The following ZNF667 variants were observed in gnomAD, a reference collection of about 807,000 sequenced individuals.
ZNF667 encodes myocardial ischemic preconditioning upregulated 1 ortholog.
Under a neutral mutation model 31.8 loss-of-function variants are expected in ZNF667, and 13 were observed. The ratio of observed to expected loss-of-function variants is 0.41; its 90% CI spans 0.27 to 0.65. The LOEUF (loss-of-function observed/expected upper bound fraction) is 0.65. ZNF667 is among the 30% of genes least tolerant of loss of function. The probability of loss-of-function intolerance (pLI) is 0.32; values close to 1 mark genes in which losing one functional copy is unlikely to be tolerated. For missense variants in ZNF667, 642 were observed against 725.6 expected, an observed-to-expected ratio of 0.88 and a Z score of 1.32; for synonymous variants, 228 against 247.1, an observed-to-expected ratio of 0.92 and a Z score of 0.73.
rs767860025 is a variant in ZNF667, at chr19:56,442,717, T to G, written c.278A>C (p.Lys93Thr). 7 of 1,595,254 alleles carry G rather than the reference T, an allele frequency of 4.4e-6. No homozygotes were observed. In the South Asian group the frequency reaches 7.9e-5, roughly 18 times the overall value. Residue 93 changes from lysine to threonine, a missense_variant, in exon 7 of 7, where the codon AAG becomes ACG. By Grantham distance (78) the Lys-to-Thr change is moderately conservative. Transcript: ENST00000504904. ...APDSGSKCET[K>T]KLPPNQCNKS... ...GTTGCATTGATTTGGAGGTAACTTC[T>G]TGGTCTCACATTTAGACCCCGAGTC...
intron 3 of ZNF667, chr19:56,470,167 A>AT (rs1207803740): frequency 2.6e-6 from 1 of 390,286 alleles, no homozygotes; most frequent in Non-Finnish European, 5.2e-6. Flanking sequence ...AGATGAGATC[A>AT]TATCAGTCAG....
At chr19:56,475,058 C>T (rs558419914) in intron 1 of ZNF667, 1 of 152,324 alleles carries the variant, frequency 6.6e-6, no homozygotes, top group South Asian at 2.1e-4. Context: ...TCCTTCCTGG[C>T]TCTGGAGTTG....
At chr19:56,458,668 C>A (rs1464801163) in intron 5 of ZNF667, among the ~76,000 whole-genome samples, 1 of 152,132 alleles carries the variant, frequency 6.6e-6, no homozygotes, top group Non-Finnish European at 1.5e-5. Context: ...ACCTTGCCTA[C>A]CTGAAGCCTC....
At chr19:56,463,773 G>A (rs1164491294) in intron 3 of ZNF667, among the ~76,000 whole-genome samples, 3 of 152,172 alleles carry the variant, frequency 2.0e-5, no homozygotes, top group South Asian at 2.1e-4. Context: ...CAATCAGCCC[G>A]CCTAGGCCTT....
At chr19:56,450,892 C>T (rs993452086) in intron 6 of ZNF667, among the ~76,000 whole-genome samples, 30 of 151,788 alleles carry the variant, frequency 2.0e-4, no homozygotes, top group African/African-American at 7.0e-4. Flanking sequence ...AAATATAATT[C>T]AAGAAATCAC....
chr19:56,453,079 G>C (rs1466202395), intron 6 of ZNF667, among the ~76,000 whole-genome samples: 1 of 152,126 alleles, frequency 6.6e-6, no homozygotes, highest in Non-Finnish European at 1.5e-5. Flanking sequence ...AGGATCATTA[G>C]AGACTACTAT....
rs763602581 is a variant in ZNF667, at chr19:56,441,592, T to C, written c.1403A>G (p.Glu468Gly). 2.5e-6 allele frequency: 4 copies of C among 1,614,088 alleles called. No individual in the cohort carries two copies. In the South Asian group the frequency reaches 3.3e-5, roughly 13 times the overall value. Residue 468 changes from glutamate (E) to glycine (G), a missense_variant, in exon 7 of 7, where the codon GAA (glutamate) becomes GGA (glycine). By Grantham distance (98) the Glu-to-Gly change is moderately conservative. Coordinates refer to ENST00000504904, the MANE Select transcript of ZNF667 (RefSeq NM_001321356.2). The surrounding 1 kb of genome is among the most constrained non-coding windows in gnomAD (Gnocchi z 4.2). ...LIEHQRIHTG[E>G]KPYQCEECGK... Reference sequence around the variant, plus strand: ...ACATTCCTCACACTGGTAGGGTTTTTCTCCAGTATGAATTCTTTGATGTTC... The same window carrying C: ...ACATTCCTCACACTGGTAGGGTTTTCCTCCAGTATGAATTCTTTGATGTTC...
chr19:56,478,003 T>G (rs943772671), upstream of ZNF667: 1 of 152,424 alleles, frequency 6.6e-6, no homozygotes, highest in African/African-American at 2.4e-5. Context: ...AGCGGAGGGA[T>G]GTTTCTTTTG....
At chr19:56,459,402 AC>A (rs1192410748) in intron 5 of ZNF667, among the ~76,000 whole-genome samples, 7 of 151,922 alleles carry the variant, frequency 4.6e-5, no homozygotes, top group Admixed American at 3.3e-4. Context: ...GTCAACATCC[AC>A]CAATAGGGGC....
intron 6 of ZNF667, among the ~76,000 whole-genome samples, chr19:56,447,870 G>A (rs2042737794): frequency 6.6e-6 from 1 of 152,122 alleles, no homozygotes; most frequent in Non-Finnish European, 1.5e-5. Context: ...GACAGAGGGA[G>A]ACTCTATCTC....
chr19:56,441,140 AT>A lies in ZNF667; in HGVS notation c.*21del. ...ATATGTTTGATAGCCTCATTCGTTG[AT>A]TTTATAGATTTAAAACAACCTTAGG... On this transcript the variant is annotated 3_prime_UTR_variant, in exon 7 of 7. Coordinates refer to ENST00000504904, the MANE Select transcript of ZNF667 (RefSeq NM_001321356.2). This position sits in a 1 kb window ranked among gnomAD's most constrained non-coding sequence, Gnocchi z 4.2. 6.3e-7 allele frequency: 1 copy of A among 1,575,944 alleles called. No individual in the cohort carries two copies. Among genetic ancestry groups the A allele is most frequent in the Non-Finnish European group, 8.6e-7 (1 of 1,160,216 alleles).
At position 56,442,030 on chromosome 19, in the gene ZNF667, C is replaced by T. The variant is rs532516530; in HGVS notation, c.965G>A (p.Arg322Lys). The T allele has an allele frequency of 6.8e-6, 11 of 1,614,142 alleles. No individual in the cohort carries two copies. In the South Asian group the frequency reaches 1.2e-4, roughly 18 times the overall value. Residue 322 changes from arginine (R) to lysine (K), a missense_variant, in exon 7 of 7, where the codon AGA (arginine) becomes AAA (lysine). Arg to Lys is a conservative substitution (Grantham distance 26, BLOSUM62 2). Transcript: ENST00000504904. ...AKALSQSLQQ[R>K]SHHLENPFKC... ...AAAAGGATTCTCTAAATGGTGACTT[C>T]TTTGCTGTAGACTCTGACTTAAGGC...
At chr19:56,446,666 T>C (rs1288279907) in intron 6 of ZNF667, among the ~76,000 whole-genome samples, 1 of 152,220 alleles carries the variant, frequency 6.6e-6, no homozygotes, top group Non-Finnish European at 1.5e-5. Context: ...TAACTGGTAG[T>C]AGCTACCATT....
intron 2 of ZNF667, 172 bp from the exon 3 acceptor site, chr19:56,472,359 G>A (rs10408921): frequency 0.19 from 29,513 of 152,126 alleles, 3,364 homozygotes; most frequent in African/African-American, 0.31. Context: ...TGATGTCTTC[G>A]GTAACTGGAA....
intron 6 of ZNF667, among the ~76,000 whole-genome samples, chr19:56,449,849 G>A (rs546241799): frequency 1.1e-4 from 17 of 151,834 alleles, no homozygotes; most frequent in South Asian, 4.2e-4. Flanking sequence ...ACAAATTAAA[G>A]AATGCATCAG....
intron 1 of ZNF667, 141 bp downstream of exon 1, chr19:56,477,131 C>A (rs1338294773): frequency 4.6e-5 from 7 of 152,254 alleles, no homozygotes; most frequent in African/African-American, 7.2e-5. Flanking sequence ...CGCGAGCCCA[C>A]CGCCCACGCA....
intron 3 of ZNF667, chr19:56,468,952 G>C (rs578168088): frequency 6.6e-6 from 1 of 152,384 alleles, no homozygotes; most frequent in East Asian, 1.9e-4. Flanking sequence ...GAGAATAAAT[G>C]AGTGTAGCTT....
At position 56,471,853 on chromosome 19, in the gene ZNF667, C is replaced by G. The variant is rs184948138; in HGVS notation, c.-214G>C. The G allele has an allele frequency of 6.6e-6, 1 of 152,324 alleles. No individual in the cohort carries two copies. The highest frequency in any genetic ancestry group is 2.4e-5 in the African/African-American group (1 of 41,568). 9.4% of individuals were successfully genotyped at this position (152,324 alleles called of 1,614,324 possible). On this transcript the variant is annotated 5_prime_UTR_variant, in exon 3 of 7. Coordinates refer to ENST00000504904, the MANE Select transcript of ZNF667 (RefSeq NM_001321356.2). Reference sequence around the variant, plus strand: ...GAAGATGATTCTTGTCTGATATGGTCTGGCTGTGTCCCCACTCAAATCTCA... The same window carrying G: ...GAAGATGATTCTTGTCTGATATGGTGTGGCTGTGTCCCCACTCAAATCTCA...
In ZNF667 at chr19:56,442,096, T is replaced by C; in HGVS notation, c.899A>G (p.Lys300Arg). Reference protein sequence around the residue: ...FKKKSVFVVHKRIHAGEKIPE... With the variant: ...FKKKSVFVVHRRIHAGEKIPE... ...GATTTTCTCTCCAGCATGAATTCTT[T>C]TATGTACAACAAAGACTGATTTCTT... Residue 300 changes from lysine (K) to arginine (R), a missense_variant, in exon 7 of 7, where the codon AAA (lysine) becomes AGA (arginine). Physicochemically the swap from Lys to Arg is conservative, Grantham distance 26. Coordinates refer to ENST00000504904, the MANE Select transcript of ZNF667 (RefSeq NM_001321356.2). 6.2e-7 allele frequency: 1 copy of C among 1,614,150 alleles called. No individual in the cohort carries two copies. Among genetic ancestry groups the C allele is most frequent in the Non-Finnish European group, 8.5e-7 (1 of 1,180,018 alleles).
Sources: gnomAD v4.1 joint callset for allele counts (sites outside exome capture counted in the v4.1 genomes callset) on GRCh38, gnomAD v4.1.1 for gene constraint, Gnocchi (gnomAD v3.1) non-coding constraint, MANE v1.5 for transcripts, NCBI Gene and HGNC (gene_info 2026-07-23, HGNC 2026-07-21) for gene names.